Variants in L3MBTL4 observed in about 807,000 individuals in gnomAD.
The protein encoded by L3MBTL4 is L3MBTL histone methyl-lysine binding protein 4, also known as lethal(3)malignant brain tumor-like protein 4.
Under a neutral mutation model 84.5 loss-of-function variants are expected in L3MBTL4, and 70 were observed. The ratio of observed to expected loss-of-function variants is 0.83; its 90% CI spans 0.68 to 1.01. L3MBTL4 has a LOEUF of 1.01. L3MBTL4 is among the 50% of genes least tolerant of loss of function. The probability of loss-of-function intolerance (pLI) is 0.00; values close to 1 mark genes in which losing one functional copy is unlikely to be tolerated. For missense variants in L3MBTL4, 715 were observed against 754.8 expected (o/e 0.95, Z 0.62); for synonymous variants, 274 against 259.8 (o/e 1.05, Z -0.52).
At chr18:6,196,827 C>T (rs1345535824) in intron 12 of L3MBTL4, among the ~76,000 whole-genome samples, 2 of 152,166 alleles carry the variant, frequency 1.3e-5, no homozygotes, top group African/African-American at 2.4e-5. Context: ...CTGGATTCAG[C>T]TATGCCTGTA....
At chr18:6,285,044 T>A (rs1019762982) in intron 4 of L3MBTL4, among the ~76,000 whole-genome samples, 1 of 152,210 alleles carries the variant, frequency 6.6e-6, no homozygotes, top group African/African-American at 2.4e-5. Flanking sequence ...GGGAGTCCAG[T>A]TTCCGGAGGG....
At chr18:6,229,272 T>A (rs1449899180) in intron 10 of L3MBTL4, among the ~76,000 whole-genome samples, 1 of 152,174 alleles carries the variant, frequency 6.6e-6, no homozygotes, top group Non-Finnish European at 1.5e-5. Context: ...AGACTTGTAA[T>A]ACAACTAAGT....
intron 10 of L3MBTL4, among the ~76,000 whole-genome samples, chr18:6,233,644 C>T (rs1283848699): frequency 6.6e-6 from 1 of 151,894 alleles, no homozygotes; most frequent in East Asian, 1.9e-4. Context: ...GAACTACAAA[C>T]CACTGCTCAA....
At chr18:6,173,946 G>A (rs992906445) in intron 12 of L3MBTL4, among the ~76,000 whole-genome samples, 6 of 152,042 alleles carry the variant, frequency 3.9e-5, no homozygotes, top group Admixed American at 3.9e-4. Context: ...CCGGGGAGAG[G>A]GGAGAGACTA....
intron 16 of L3MBTL4, among the ~76,000 whole-genome samples, chr18:6,069,479 A>G (rs546455702): frequency 1.3e-5 from 2 of 152,060 alleles, no homozygotes; most frequent in Non-Finnish European, 2.9e-5. Context: ...AAGTTCCCCA[A>G]AGTTTATGTC....
At chr18:6,222,758 T>C (rs933591858) in intron 10 of L3MBTL4, among the ~76,000 whole-genome samples, 18 of 152,202 alleles carry the variant, frequency 1.2e-4, no homozygotes, top group African/African-American at 3.8e-4. Flanking sequence ...ACTCAATTCA[T>C]ATCGTTCAAT....
chr18:6,076,909 A>C (rs1197562281), intron 16 of L3MBTL4, among the ~76,000 whole-genome samples: 1 of 152,310 alleles, frequency 6.6e-6, no homozygotes, highest in Non-Finnish European at 1.5e-5. Flanking sequence ...TGGCCGTGAG[A>C]GTGACATCTC....
At chr18:6,092,092 A>T (rs1403963610) in intron 15 of L3MBTL4, among the ~76,000 whole-genome samples, 1 of 152,224 alleles carries the variant, frequency 6.6e-6, no homozygotes, top group African/African-American at 2.4e-5. Context: ...AATGCAAGAT[A>T]CAGCTATAAA....
At chr18:6,193,093 A>G (rs2045200628) in intron 12 of L3MBTL4, among the ~76,000 whole-genome samples, 1 of 152,062 alleles carries the variant, frequency 6.6e-6, no homozygotes, top group Non-Finnish European at 1.5e-5. Flanking sequence ...TGCAATCACA[A>G]AAAGGGTTAC....
intron 10 of L3MBTL4, among the ~76,000 whole-genome samples, chr18:6,227,399 T>C (rs1568345683): frequency 2.0e-5 from 3 of 152,264 alleles, no homozygotes; most frequent in East Asian, 3.9e-4. Context: ...GAGGGGAAAA[T>C]TATGTTTTAA....
chr18:6,094,134 G>A lies in L3MBTL4; in HGVS notation c.1200-606C>T, dbSNP rs182536202. On this transcript the variant is annotated intron_variant, in intron 14 of 18. Coordinates refer to ENST00000317931, the MANE Select transcript of L3MBTL4 (RefSeq NM_001330559.2). ...CTCACAAGTCAAAGCTGAGTCCTGA[G>A]TCCTGGATGTTATCAGAACCCAATA... Among the ~76,000 whole-genome samples, 103 of 152,250 alleles carry A rather than the reference G, an allele frequency of 6.8e-4. 2 individuals carry two copies. The South Asian group carries it at 9.1e-3, about 13-fold the overall frequency.
intron 1 of L3MBTL4, among the ~76,000 whole-genome samples, chr18:6,342,072 G>A (rs115894861): frequency 1.3e-5 from 2 of 152,180 alleles, no homozygotes; most frequent in African/African-American, 4.8e-5. Context: ...CTCTTTCCTA[G>A]AAAAACAAAA....
intron 16 of L3MBTL4, among the ~76,000 whole-genome samples, chr18:6,018,163 G>C (rs1212105622): frequency 6.6e-6 from 1 of 152,216 alleles, no homozygotes; most frequent in African/African-American, 2.4e-5. Context: ...ATGGAGATGT[G>C]CAAGTGATTG....
In L3MBTL4 at chr18:6,275,155, G is replaced by A. The variant is rs116039184; in HGVS notation, c.128-11117C>T. 8.4e-3 allele frequency among the ~76,000 whole-genome samples: 1,280 copies of A among 152,220 alleles called. 19 individuals carry two copies. Among genetic ancestry groups the A allele is most frequent in the African/African-American group, 0.029 (1,218 of 41,520 alleles). On this transcript the variant is annotated intron_variant, in intron 4 of 18. Coordinates refer to ENST00000317931, the MANE Select transcript of L3MBTL4 (RefSeq NM_001330559.2). ...GGGTACTAAAGCAGAGGAAATCCCA[G>A]GGAGTGTGTGTAGCATGGGGTTGGT...
chr18:6,124,731 T>A (rs934916516), intron 14 of L3MBTL4, among the ~76,000 whole-genome samples: 4 of 151,896 alleles, frequency 2.6e-5, no homozygotes, highest in Non-Finnish European at 5.9e-5. Context: ...GAACAAGGAA[T>A]AAAGGAAATT....
intron 14 of L3MBTL4, among the ~76,000 whole-genome samples, chr18:6,128,529 G>A (rs1478517769): frequency 6.6e-6 from 1 of 152,114 alleles, no homozygotes; most frequent in East Asian, 1.9e-4. Context: ...ACAGTCCCAT[G>A]GGTGGATTTA....
chr18:6,292,849 T>A (rs2049926721), intron 4 of L3MBTL4, among the ~76,000 whole-genome samples: 1 of 135,408 alleles, frequency 7.4e-6, no homozygotes, highest in African/African-American at 2.8e-5. Context: ...CAGTTTTATT[T>A]AATGGCTACT....
chr18:5,969,147 G>A (rs1384791853), intron 17 of L3MBTL4, among the ~76,000 whole-genome samples: 1 of 152,156 alleles, frequency 6.6e-6, no homozygotes, highest in East Asian at 1.9e-4. Context: ...GCCTCGGGGG[G>A]CACTGGAATA....
intron 1 of L3MBTL4, among the ~76,000 whole-genome samples, chr18:6,350,223 A>G (rs2143747435): frequency 6.6e-6 from 1 of 152,342 alleles, no homozygotes; most frequent in East Asian, 1.9e-4. Flanking sequence ...CAAAAACGCA[A>G]GCAACCAAAG....
Sources: gnomAD v4.1 joint callset for allele counts (sites outside exome capture counted in the v4.1 genomes callset) on GRCh38, gnomAD v4.1.1 for gene constraint, MANE v1.5 for transcripts, NCBI Gene and HGNC (gene_info 2026-07-23, HGNC 2026-07-21) for gene names.